PDE2A: variants seen among roughly 807,000 people sequenced by gnomAD.
PDE2A encodes the protein phosphodiesterase 2A.
A neutral mutation model predicts 133.6 loss-of-function variants in PDE2A; 53 were observed. That is an observed-to-expected ratio of 0.40 (90% confidence interval 0.32 to 0.50). The LOEUF is 0.50. Among genes scored for constraint, PDE2A ranks in the 20% least tolerant of loss-of-function variants. PDE2A has a pLI of 0.73. For synonymous variants in PDE2A, 491 were observed against 490.2 expected (o/e 1.00, Z -0.02); for missense variants, 796 against 1,232.4 (o/e 0.65, Z 5.30).
rs117636794 is a variant in PDE2A at position 72,603,403 on chromosome 11, G to A, written c.323+1735C>T. Among the ~76,000 whole-genome samples the A allele has an allele frequency of 3.3e-3, 499 of 152,294 alleles. 2 individuals are homozygous for A. The highest frequency in any genetic ancestry group is 5.3e-3 in the Admixed American group (81 of 15,288). ...GAGCCCTCTCAAAAATGCCTGGACC[G>A]CAGATACGCACCCACTCTACATGCC... On this transcript the variant is annotated intron_variant, in intron 4 of 30. Coordinates refer to ENST00000334456, the MANE Select transcript of PDE2A (RefSeq NM_002599.5).
chr11:72,600,084 G>A (rs1856672114), intron 4 of PDE2A, among the ~76,000 whole-genome samples: 1 of 152,246 alleles, frequency 6.6e-6, no homozygotes, highest in Non-Finnish European at 1.5e-5. Flanking sequence ...TGGCCACAAG[G>A]AGGTTGGTGT....
intron 11 of PDE2A, 94 bp downstream of exon 11, chr11:72,589,657 A>G (rs984806812): frequency 1.9e-6 from 2 of 1,060,344 alleles, no homozygotes; most frequent in African/African-American, 1.6e-5. Context: ...CCAAGAGTCT[A>G]GAAGATCCAA....
Position 72,578,478 on chromosome 11 carries a change from G to A in PDE2A, c.2506C>T (p.Leu836=), listed in dbSNP as rs1855564926. The A allele has an allele frequency of 6.2e-7, 1 of 1,613,102 alleles. No individual in the cohort carries two copies. Among genetic ancestry groups the A allele is most frequent in the Non-Finnish European group, 8.5e-7 (1 of 1,179,080 alleles). Residue 836 remains leucine (L), a splice_region_variant and synonymous_variant, in exon 29 of 31, where the codon CTG becomes TTG. Coordinates refer to ENST00000334456, the MANE Select transcript of PDE2A (RefSeq NM_002599.5). The surrounding 1 kb of genome is among the most constrained non-coding windows in gnomAD (Gnocchi z 4.2). ...IYKEFFSQGD[L]EKAMGNRPME... ...TCCTGGGGTCACTCCACACATACCA[G>A]GTCTCCCTGGGAGAAGAATTCTTTG...
chr11:72,664,615 C>T (rs190554126), intron 1 of PDE2A, among the ~76,000 whole-genome samples: 3 of 151,692 alleles, frequency 2.0e-5, no homozygotes, highest in East Asian at 3.9e-4. Flanking sequence ...CCTCGTGATC[C>T]GCCCACCTCA....
intron 2 of PDE2A, among the ~76,000 whole-genome samples, chr11:72,636,379 A>G (rs539539487): frequency 7.2e-5 from 11 of 152,338 alleles, no homozygotes; most frequent in African/African-American, 2.6e-4. Context: ...TTTATTAAGT[A>G]TTACATTTCA....
Position 72,674,135 on chromosome 11 carries a change from A to T in PDE2A, c.71+2T>A, listed in dbSNP as rs1220014520. The T allele has an allele frequency of 6.2e-7, 1 of 1,612,374 alleles. No individual in the cohort carries two copies. Among genetic ancestry groups the T allele is most frequent in the East Asian group, 2.2e-5 (1 of 44,812 alleles). ...ACCACCCCAGCCCCTCACTATACTCACGGCTCAGCCGGTCGCGCTGCCGGG... is the reference window on the plus strand; with the variant it reads ...ACCACCCCAGCCCCTCACTATACTCTCGGCTCAGCCGGTCGCGCTGCCGGG... On this transcript the variant is annotated splice_donor_variant, in intron 1 of 30. Transcript: ENST00000334456. LOFTEE classifies it high-confidence loss of function.
chr11:72,586,159 C>A lies in PDE2A; in HGVS notation c.1093G>T (p.Val365Leu), dbSNP rs1367547759. ...GDLFTDEDEH[V>L]IQHCFHYTST... is the part of the protein sequence containing the mutation. ...GTGTAGTGGAAGCAGTGCTGGATCACATGCTCGTCCTCGTCGGTGAACCTG... is the reference window on the plus strand; with the variant it reads ...GTGTAGTGGAAGCAGTGCTGGATCAAATGCTCGTCCTCGTCGGTGAACCTG... Residue 365 changes from valine to leucine, a missense_variant, in exon 14 of 31, where the codon GTG becomes TTG. Coordinates refer to ENST00000334456, the MANE Select transcript of PDE2A (RefSeq NM_002599.5). 1 of 1,611,688 alleles carries A rather than the reference C, an allele frequency of 6.2e-7. No homozygotes were observed. Among genetic ancestry groups the A allele is most frequent in the South Asian group, 1.1e-5 (1 of 90,672 alleles).
rs376986266 is a variant in PDE2A, at chr11:72,578,368, C to T, written c.2509-29G>A. 12 of 1,579,660 alleles carry T rather than the reference C, an allele frequency of 7.6e-6. No individual in the cohort carries two copies. Among genetic ancestry groups the T allele is most frequent in the Non-Finnish European group, 1.0e-5 (12 of 1,148,730 alleles). On this transcript the variant is annotated intron_variant, in intron 29 of 30. Transcript: ENST00000334456. This position sits in a 1 kb window ranked among gnomAD's most constrained non-coding sequence, Gnocchi z 4.2. ...CAGGCATCGAGTCGTCAGGCCTGTC[C>T]CTCTCATTCCTCCATCGGGTACCAG...
chr11:72,585,229 A>G (rs1855911236), intron 16 of PDE2A, 142 bp downstream of exon 16: 4 of 745,550 alleles, frequency 5.4e-6, no homozygotes, highest in Non-Finnish European at 9.3e-6. Flanking sequence ...CGAGGGAGAC[A>G]GGCATGAAAT....
At position 72,628,923 on chromosome 11, in the gene PDE2A, C is replaced by T. The variant is rs1030853796; in HGVS notation, c.144+13331G>A. On this transcript the variant is annotated intron_variant, in intron 2 of 30. Coordinates refer to ENST00000334456, the MANE Select transcript of PDE2A (RefSeq NM_002599.5). ...GCCCTCTCCATGTTGGCAGCGTCCC[C>T]TCAGGCAGCCCATCTCTTCCCAGCA... Among the ~76,000 whole-genome samples the T allele has an allele frequency of 6.6e-5, 10 of 152,344 alleles. No individual in the cohort carries two copies. In the East Asian group the frequency reaches 1.5e-3, roughly 24 times the overall value.
In PDE2A at chr11:72,588,821, C is replaced by T. The variant is rs758610153; in HGVS notation, c.1033G>A (p.Ala345Thr). ...VISRATDQVV[A>T]LACAFNKLEG... The stretch of plus-strand genomic sequence containing the variant: ...AGCTTGTTGAAGGCGCAGGCCAAGG[C>T]CACCACCTGGTCAGTGGCCCGGCTG... Residue 345 changes from alanine to threonine, a missense_variant, in exon 13 of 31, where the codon GCC (alanine) becomes ACC (threonine). Ala to Thr is a moderately conservative substitution (Grantham distance 58). Coordinates refer to ENST00000334456, the MANE Select transcript of PDE2A (RefSeq NM_002599.5). The T allele has an allele frequency of 8.1e-6, 13 of 1,610,418 alleles. 1 individual carries two copies. In the South Asian group the frequency reaches 1.4e-4, roughly 18 times the overall value.
chr11:72,623,484 A>G (rs78919309), intron 2 of PDE2A, among the ~76,000 whole-genome samples: 25,832 of 152,028 alleles, frequency 0.17, 2,787 homozygotes, highest in Middle Eastern at 0.25. Flanking sequence ...TATCCCAGCC[A>G]GGTCCACGAC....
chr11:72,589,719 G>A, intron 11 of PDE2A, 32 bp downstream of exon 11: 1 of 1,610,304 alleles, frequency 6.2e-7, no homozygotes. Context: ...CGCCCCTGCA[G>A]ACTCCAACGA....
chr11:72,602,217 G>T (rs1447384031), intron 4 of PDE2A, among the ~76,000 whole-genome samples: 2 of 152,186 alleles, frequency 1.3e-5, no homozygotes, highest in Non-Finnish European at 2.9e-5. Context: ...ACACACTGGG[G>T]GGATGCAGCT....
chr11:72,653,033 T>C (rs11602616), intron 1 of PDE2A, among the ~76,000 whole-genome samples: 24,185 of 152,224 alleles, frequency 0.16, 2,057 homozygotes, highest in South Asian at 0.23. Context: ...GACTGGGAGA[T>C]GTGGCATTCT....
At chr11:72,667,434 G>C (rs1398170975) in intron 1 of PDE2A, among the ~76,000 whole-genome samples, 1 of 152,054 alleles carries the variant, frequency 6.6e-6, no homozygotes, top group Non-Finnish European at 1.5e-5. Context: ...TTCTGGTTGG[G>C]GTCCAACCTC....
At chr11:72,613,591 C>A (rs1002958590) in intron 2 of PDE2A, among the ~76,000 whole-genome samples, 1 of 151,952 alleles carries the variant, frequency 6.6e-6, no homozygotes, top group Non-Finnish European at 1.5e-5. Flanking sequence ...ACCTCCGCGT[C>A]CTCTCTTCCT....
intron 1 of PDE2A, among the ~76,000 whole-genome samples, chr11:72,644,490 G>C (rs1229807375): frequency 6.6e-6 from 1 of 152,212 alleles, no homozygotes; most frequent in African/African-American, 2.4e-5. Context: ...CAAGTCTCTT[G>C]GTAAATTCTG....
Position 72,597,725 on chromosome 11 carries a change from T to C in PDE2A, c.324-106A>G. ...TGGACCCTGCACATGTGCAAGGATC[T>C]GGGCAAGCTGACCTGCCTCAGGTTG... On this transcript the variant is annotated intron_variant, in intron 4 of 30. Transcript: ENST00000334456. This position sits in a 1 kb window ranked among gnomAD's most constrained non-coding sequence, Gnocchi z 4.6. 1 of 709,132 alleles carries C rather than the reference T, an allele frequency of 1.4e-6. No homozygotes were observed. Among genetic ancestry groups the C allele is most frequent in the African/African-American group, 1.8e-5 (1 of 56,466 alleles). The allele number at this position is 709,132 out of a possible 1,614,324, so 43.9% of individuals were successfully genotyped here.
Sources: allele counts gnomAD v4.1 joint callset (sites outside exome capture counted in the v4.1 genomes callset), GRCh38; gene constraint gnomAD v4.1.1; non-coding constraint Gnocchi (gnomAD v3.1); transcripts MANE v1.5; gene names NCBI Gene and HGNC (gene_info 2026-07-23, HGNC 2026-07-21).